Variants in NUP50 observed in about 807,000 individuals in gnomAD.
NUP50 encodes nucleoporin 50.
NUP50 carries 14 observed loss-of-function variants against 36.8 expected under a neutral mutation model. The observed-to-expected ratio is 0.38, with a 90% confidence interval of 0.25 to 0.59. The LOEUF is 0.59. Among genes scored for constraint, NUP50 ranks in the 20% least tolerant of loss-of-function variants. The pLI is 0.63. For synonymous variants in NUP50, 195 were observed against 210.8 expected (o/e 0.93, Z 0.65); for missense variants, 455 against 564.6 (o/e 0.81, Z 1.97).
intron 3 of NUP50, among the ~76,000 whole-genome samples, chr22:45,174,916 T>A (rs1484421346): frequency 6.6e-6 from 1 of 152,180 alleles, no homozygotes; most frequent in African/African-American, 2.4e-5. Flanking sequence ...CATGCAGTAA[T>A]ATTTAGGCTG....
At chr22:45,180,677 C>CTAA (rs2074353619) in intron 5 of NUP50, among the ~76,000 whole-genome samples, 1 of 152,142 alleles carries the variant, frequency 6.6e-6, no homozygotes, top group Non-Finnish European at 1.5e-5. Context: ...TGTACACAGC[C>CTAA]TAATACATGT....
intron 3 of NUP50, among the ~76,000 whole-genome samples, chr22:45,173,661 AGG>A (rs999214510): frequency 1.4e-4 from 21 of 152,150 alleles, no homozygotes; most frequent in African/African-American, 4.3e-4. Context: ...ATGCAGGTGG[AGG>A]GTCCTACGAG....
intron 1 of NUP50, among the ~76,000 whole-genome samples, chr22:45,166,693 G>A (rs377079154): frequency 1.3e-4 from 17 of 127,332 alleles, no homozygotes; most frequent in Non-Finnish European, 9.8e-5. Flanking sequence ...AAAAGAATCC[G>A]TACAGAGACC....
chr22:45,182,940 TAAG>T (rs984938041), intron 6 of NUP50, among the ~76,000 whole-genome samples: 3 of 150,482 alleles, frequency 2.0e-5, no homozygotes, highest in Non-Finnish European at 4.4e-5. Flanking sequence ...ATTTTTAAAA[TAAG>T]AAATAGGCCA....
At chr22:45,180,851 A>G (rs2074357244) in intron 5 of NUP50, among the ~76,000 whole-genome samples, 1 of 152,022 alleles carries the variant, frequency 6.6e-6, no homozygotes, top group East Asian at 1.9e-4. Context: ...TTAAAAAAAA[A>G]AAAAGTATTT....
At chr22:45,179,190 A>C (rs1024448945) in intron 5 of NUP50, 16 of 294,020 alleles carry the variant, frequency 5.4e-5, no homozygotes, top group Non-Finnish European at 8.1e-5. Context: ...AAAACAAGTG[A>C]ATTAAAGACG....
chr22:45,180,220 T>C (rs1488896123), intron 5 of NUP50: 1 of 152,226 alleles, frequency 6.6e-6, no homozygotes, highest in Non-Finnish European at 1.5e-5. Flanking sequence ...GTTATCACAG[T>C]TTAAGCATCA....
rs931315476 is a variant in NUP50 at position 45,185,403 on chromosome 22, G to A, written c.*748G>A. On this transcript the variant is annotated 3_prime_UTR_variant, in exon 8 of 8. Coordinates refer to ENST00000347635, the MANE Select transcript of NUP50 (RefSeq NM_007172.4). ...GATAAAGGGGGATTGCCAGGAATGGGTTTAAAAGCACAAATGTGGTAGCTT... is the reference window on the plus strand; with the variant it reads ...GATAAAGGGGGATTGCCAGGAATGGATTTAAAAGCACAAATGTGGTAGCTT... 2.0e-5 allele frequency: 3 copies of A among 152,558 alleles called. No homozygotes were observed. Among genetic ancestry groups the A allele is most frequent in the Non-Finnish European group, 1.5e-5 (1 of 68,108 alleles). 9.5% of individuals were successfully genotyped at this position (152,558 alleles called of 1,614,324 possible).
At position 45,171,082 on chromosome 22, in the gene NUP50, T is replaced by C. The variant is rs939440890; in HGVS notation, c.70-518T>C. On this transcript the variant is annotated intron_variant, in intron 2 of 7. Transcript: ENST00000347635. ...GGACATGAGTGTGCTTTGAGCGCAC[T>C]GTGGAAGAGCAGTGGTTGTCCAGCA... is the stretch of plus-strand genomic sequence containing the variant. The C allele has an allele frequency of 3.8e-6, 5 of 1,299,890 alleles. No homozygotes were observed. In the Admixed American group the frequency reaches 1.2e-4, roughly 30 times the overall value. 80.5% of individuals were successfully genotyped at this position (1,299,890 alleles called of 1,614,324 possible).
chr22:45,182,077 G>C (rs2074381899), intron 6 of NUP50, among the ~76,000 whole-genome samples: 1 of 151,838 alleles, frequency 6.6e-6, no homozygotes, highest in South Asian at 2.1e-4. Context: ...AATTTCTTCT[G>C]TGTTTAAATT....
At position 45,186,393 on chromosome 22, in the gene NUP50, A is replaced by G. The variant is rs2083447722; in HGVS notation, c.*1738A>G. On this transcript the variant is annotated 3_prime_UTR_variant, in exon 8 of 8. Coordinates refer to ENST00000347635, the MANE Select transcript of NUP50 (RefSeq NM_007172.4). ...ATGCTGTTAATACCGGCCCCACCCGATTGACATTAAGTTTATTCAGCTTTT... is the reference window on the plus strand; with the variant it reads ...ATGCTGTTAATACCGGCCCCACCCGGTTGACATTAAGTTTATTCAGCTTTT... 1 of 152,202 alleles carries G rather than the reference A, an allele frequency of 6.6e-6. No individual in the cohort carries two copies. Among genetic ancestry groups the G allele is most frequent in the South Asian group, 2.1e-4 (1 of 4,832 alleles). The allele number at this position is 152,202 out of a possible 1,614,324, so 9.4% of individuals were successfully genotyped here. A position where few individuals can be genotyped will look rare whatever the true frequency, so the allele number is the denominator to read the frequency against.
At position 45,186,949 on chromosome 22, in the gene NUP50, A is replaced by G. The variant is rs2083454145; in HGVS notation, c.*2294A>G. On this transcript the variant is annotated 3_prime_UTR_variant, in exon 8 of 8. Coordinates refer to ENST00000347635, the MANE Select transcript of NUP50 (RefSeq NM_007172.4). Reference sequence around the variant, plus strand: ...CCTGGAGGGCTTCCCTACTTTCCCCACTATGTTAACAGGTAATTCTGATTT... The same window carrying G: ...CCTGGAGGGCTTCCCTACTTTCCCCGCTATGTTAACAGGTAATTCTGATTT... 1 of 152,216 alleles carries G rather than the reference A, an allele frequency of 6.6e-6. No homozygotes were observed. The highest frequency in any genetic ancestry group is 2.4e-5 in the African/African-American group (1 of 41,444). The allele number at this position is 152,216 out of a possible 1,614,324, so 9.4% of individuals were successfully genotyped here.
intron 3 of NUP50, among the ~76,000 whole-genome samples, chr22:45,173,127 A>C (rs571637101): frequency 7.6e-4 from 116 of 152,358 alleles, no homozygotes; most frequent in African/African-American, 2.7e-3. Flanking sequence ...TGCACTGCCA[A>C]GAAAGGAAGT....
rs750642490 is a variant in NUP50 at position 45,178,747 on chromosome 22, T to G, written c.850T>G (p.Ser284Ala). The change falls in exon 5 of 8, where the codon TCA becomes GCA. Residue 284 changes from serine to alanine, a missense_variant. Coordinates refer to ENST00000347635, the MANE Select transcript of NUP50 (RefSeq NM_007172.4). ...GAAAGTTGATAGCTCTGTTTTGGGC[T>G]CATTAAGCTCTGTCCCCCTGACTGG... is the stretch of plus-strand genomic sequence containing the variant. ...GKKVDSSVLGSLSSVPLTGFS... is the reference protein window; with the variant it reads ...GKKVDSSVLGALSSVPLTGFS... 23 of 1,613,722 alleles carry G rather than the reference T, an allele frequency of 1.4e-5. No individual in the cohort carries two copies. The Admixed American group carries it at 3.8e-4, about 27-fold the overall frequency.
rs1411707302 is a variant in NUP50, at chr22:45,185,706, TTAAGAG to T, written c.*1057_*1062del. 6.6e-6 allele frequency: 1 copy of T among 152,238 alleles called. No homozygotes were observed. Among genetic ancestry groups the T allele is most frequent in the African/African-American group, 2.4e-5 (1 of 41,464 alleles). The allele number at this position is 152,238 out of a possible 1,614,324, so 9.4% of individuals were successfully genotyped here. A position where few individuals can be genotyped will look rare whatever the true frequency, so the allele number is the denominator to read the frequency against. Reference sequence around the variant, plus strand: ...TGATATCTGAAATATCTTTACTTTTTTAAGAGTAAGATTCCATATGTCTGTCTGGAA... The same window carrying T: ...TGATATCTGAAATATCTTTACTTTTTTAAGATTCCATATGTCTGTCTGGAA... On this transcript the variant is annotated 3_prime_UTR_variant, in exon 8 of 8. Transcript: ENST00000347635.
rs146729574 is a variant in NUP50 at position 45,175,966 on chromosome 22, T to A, written c.226T>A (p.Phe76Ile). The change falls in exon 4 of 8, where the codon TTT becomes ATT. Residue 76 changes from phenylalanine to isoleucine, a missense_variant. This residue lies in a region of NUP50 where 166 missense variants were observed against 202.8 expected (regional missense o/e 0.82). Transcript: ENST00000347635. ...TTCTGGAGGAGGACGCTTTTCTGGA[T>A]TTGGTAGTGGCGCTGGAGGGAAGCC... ...VPSGGGRFSGFGSGAGGKPLE... is the reference protein window; with the variant it reads ...VPSGGGRFSGIGSGAGGKPLE... 5 of 1,613,898 alleles carry A rather than the reference T, an allele frequency of 3.1e-6. No homozygotes were observed. The African/African-American group carries it at 6.7e-5, about 22-fold the overall frequency.
intron 2 of NUP50, chr22:45,170,949 G>C: frequency 7.7e-7 from 1 of 1,298,808 alleles, no homozygotes; most frequent in Non-Finnish European, 1.0e-6. Flanking sequence ...CTATAGGTGA[G>C]AATTTTTGCA....
In NUP50 at chr22:45,187,706, A is replaced by G. The variant is rs1249516448; in HGVS notation, c.*3051A>G. The G allele has an allele frequency of 6.6e-6, 1 of 152,232 alleles. No individual in the cohort carries two copies. The highest frequency in any genetic ancestry group is 1.5e-5 in the Non-Finnish European group (1 of 68,030). 9.4% of individuals were successfully genotyped at this position (152,232 alleles called of 1,614,324 possible). On this transcript the variant is annotated 3_prime_UTR_variant, in exon 8 of 8. Transcript: ENST00000347635. ...GATTTGTCCCGTAGTATGGCAGATG[A>G]CAGGGAGGTCTTTTCCAAGCAGGCA...
rs377483891 is a variant in NUP50, at chr22:45,183,407, A to T, written c.1091A>T (p.Lys364Ile). 2 of 1,578,594 alleles carry T rather than the reference A, an allele frequency of 1.3e-6. No homozygotes were observed. Among genetic ancestry groups the T allele is most frequent in the African/African-American group, 1.3e-5 (1 of 74,134 alleles). Residue 364 changes from lysine to isoleucine, a missense_variant, in exon 7 of 8, where the codon AAA (lysine) becomes ATA (isoleucine). Physicochemically the swap from Lys to Ile is moderately radical, Grantham distance 102. This residue lies in a region of NUP50 where 287 missense variants were observed against 345.5 expected (regional missense o/e 0.83). Coordinates refer to ENST00000347635, the MANE Select transcript of NUP50 (RefSeq NM_007172.4). ...EEDAFYSKKCKLFYKKDNEFK... is the reference protein window; with the variant it reads ...EEDAFYSKKCILFYKKDNEFK... ...CCTATTATTTTTCTCCATAGGTGTA[A>T]ACTGTTTTACAAGAAAGACAATGAG...
Sources: gnomAD v4.1 joint callset for allele counts (sites outside exome capture counted in the v4.1 genomes callset) on GRCh38, gnomAD v4.1.1 for gene constraint, gnomAD v4.1.1 regional missense constraint, MANE v1.5 for transcripts, NCBI Gene and HGNC (gene_info 2026-07-23, HGNC 2026-07-21) for gene names.